CDKL3: variants seen among roughly 807,000 people sequenced by gnomAD.
CDKL3 encodes cyclin-dependent kinase-like 3.
In CDKL3, 65 loss-of-function variants were observed where a neutral mutation model predicts 69.3. That is an observed-to-expected ratio of 0.94 (90% confidence interval 0.77 to 1.15). The LOEUF (loss-of-function observed/expected upper bound fraction) is 1.15. Ranked by LOEUF, CDKL3 falls within the 50% of genes most tolerant of loss-of-function variation. The probability of loss-of-function intolerance (pLI) is 0.00; values close to 1 mark genes in which losing one functional copy is unlikely to be tolerated. For missense variants in CDKL3, 652 were observed against 689.2 expected (o/e 0.95, Z 0.61); for synonymous variants, 202 against 221.6 (o/e 0.91, Z 0.79).
chr5:134,302,152 T>A, intron 12 of CDKL3: 1 of 456,216 alleles, frequency 2.2e-6, no homozygotes, highest in South Asian at 1.5e-5. Flanking sequence ...GATAGTTAGC[T>A]GAGAGCAAAT....
chr5:134,351,414 A>G lies in CDKL3; in HGVS notation c.361-987T>C, dbSNP rs540296443. ...CATCTCAATCTGATCAACTCTTTTT[A>G]AGAAATTATTTTTTAAAGAGATAGG... On this transcript the variant is annotated intron_variant, in intron 3 of 12. Transcript: ENST00000265334. Among the ~76,000 whole-genome samples, 9 of 152,178 alleles carry G rather than the reference A, an allele frequency of 5.9e-5. No individual in the cohort carries two copies. The East Asian group carries it at 1.7e-3, about 29-fold the overall frequency.
At chr5:134,330,587 T>C (rs1775538433) in intron 4 of CDKL3, among the ~76,000 whole-genome samples, 1 of 151,966 alleles carries the variant, frequency 6.6e-6, no homozygotes, top group African/African-American at 2.4e-5. Flanking sequence ...TGGTGGCACA[T>C]ACCTGTAGTC....
intron 4 of CDKL3, among the ~76,000 whole-genome samples, chr5:134,346,600 G>T (rs572481595): frequency 6.6e-6 from 1 of 152,204 alleles, no homozygotes; most frequent in South Asian, 2.1e-4. Context: ...GGGTTCAAGC[G>T]TTTTTCCTGC....
chr5:134,285,967 C>T (rs1045776028), downstream of CDKL3, among the ~76,000 whole-genome samples: 4 of 152,096 alleles, frequency 2.6e-5, no homozygotes, highest in African/African-American at 9.7e-5. Context: ...ACTAAAAATA[C>T]AAAAATTAGG....
chr5:134,322,256 C>T (rs1019285639), intron 4 of CDKL3, among the ~76,000 whole-genome samples: 1 of 152,162 alleles, frequency 6.6e-6, no homozygotes, highest in African/African-American at 2.4e-5. Flanking sequence ...TCGTGATCTG[C>T]CCGCCTCAGC....
chr5:134,288,463 A>G (rs1200651003), intron 8 of CDKL3, among the ~76,000 whole-genome samples: 1 of 152,166 alleles, frequency 6.6e-6, no homozygotes. Flanking sequence ...TTAATGAAAC[A>G]CTTTATGCCT....
chr5:134,298,452 C>T lies in CDKL3; in HGVS notation c.*199G>A. 7 of 1,337,306 alleles carry T rather than the reference C, an allele frequency of 5.2e-6. No individual in the cohort carries two copies. Among genetic ancestry groups the T allele is most frequent in the Non-Finnish European group, 6.7e-6 (7 of 1,049,244 alleles). The allele number at this position is 1,337,306 out of a possible 1,614,324, so 82.8% of individuals were successfully genotyped here. A position where few individuals can be genotyped will look rare whatever the true frequency, so the allele number is the denominator to read the frequency against. On this transcript the variant is annotated 3_prime_UTR_variant, in exon 13 of 13. Coordinates refer to ENST00000265334, the MANE Select transcript of CDKL3 (RefSeq NM_001113575.2). ...GCAGAGAAGAGATGACTTTATAATTCCAAATCAAATTATCACATCAACAGA... is the reference window on the plus strand; with the variant it reads ...GCAGAGAAGAGATGACTTTATAATTTCAAATCAAATTATCACATCAACAGA...
At chr5:134,300,813 A>G (rs1766110329) in intron 12 of CDKL3, among the ~76,000 whole-genome samples, 1 of 152,132 alleles carries the variant, frequency 6.6e-6, no homozygotes, top group Admixed American at 6.6e-5. Context: ...TCACAGGACA[A>G]TGGGATAAAC....
downstream of CDKL3, among the ~76,000 whole-genome samples, chr5:134,285,556 A>G (rs1764826768): frequency 6.6e-6 from 1 of 152,120 alleles, no homozygotes; most frequent in African/African-American, 2.4e-5. Flanking sequence ...CTTTCCTCCT[A>G]GGCCTCTGGG....
Position 134,312,324 on chromosome 5 carries a change from A to G in CDKL3, c.849T>C (p.His283=), listed in dbSNP as rs1229742521. 2 of 1,598,192 alleles carry G rather than the reference A, an allele frequency of 1.3e-6. No homozygotes were observed. Among genetic ancestry groups the G allele is most frequent in the Admixed American group, 3.5e-5 (2 of 57,674 alleles). The change falls in exon 7 of 13, where the codon CAT becomes CAC. Residue 283 remains histidine (H), a synonymous_variant. Coordinates refer to ENST00000265334, the MANE Select transcript of CDKL3 (RefSeq NM_001113575.2). ...DRISSSDLLH[H]EYFTRDGFIE... ...TAAATCCATCTCTAGTAAAATACTC[A>G]TGATGCAAAAGATCACTAGATGATA...
chr5:134,312,960 A>G (rs915112615), intron 6 of CDKL3, among the ~76,000 whole-genome samples: 3 of 152,344 alleles, frequency 2.0e-5, no homozygotes, highest in East Asian at 1.9e-4. Context: ...TAATAAATCT[A>G]TATGTAGTTA....
downstream of CDKL3, among the ~76,000 whole-genome samples, chr5:134,296,653 A>G (rs557077403): frequency 5.3e-5 from 8 of 152,224 alleles, no homozygotes; most frequent in East Asian, 1.5e-3. Context: ...GCTTATCAGG[A>G]AAGAATGTTT....
intron 6 of CDKL3, 34 bp from the exon 7 acceptor site, chr5:134,312,414 C>T (rs769400353): frequency 2.5e-5 from 28 of 1,115,730 alleles, no homozygotes; most frequent in Non-Finnish European, 3.4e-5. Context: ...TAAGTGAGCT[C>T]TCAACAGGGC....
At chr5:134,313,227 A>G (rs533949916) in intron 6 of CDKL3, among the ~76,000 whole-genome samples, 1 of 152,122 alleles carries the variant, frequency 6.6e-6, no homozygotes, top group East Asian at 1.9e-4. Context: ...GCCTTTTAAA[A>G]TTTTTTAGAG....
downstream of CDKL3, among the ~76,000 whole-genome samples, chr5:134,296,823 A>ACACACACACACG (rs1765377737): frequency 6.6e-6 from 1 of 150,996 alleles, no homozygotes; most frequent in African/African-American, 2.4e-5. Context: ...ACACGCACGC[A>ACACACACACACG]CACACACGGA....
intron 2 of CDKL3, among the ~76,000 whole-genome samples, chr5:134,365,410 G>A (rs1757171612): frequency 6.6e-6 from 1 of 151,924 alleles, no homozygotes; most frequent in Non-Finnish European, 1.5e-5. Context: ...GTGAGCCACC[G>A]CACCCGGCCT....
chr5:134,343,688 A>C (rs1751101193), intron 4 of CDKL3, among the ~76,000 whole-genome samples: 1 of 152,170 alleles, frequency 6.6e-6, no homozygotes, highest in South Asian at 2.1e-4. Context: ...AAACTGGCTT[A>C]TCTGATCTCA....
chr5:134,329,545 C>T lies in CDKL3; in HGVS notation c.540-7642G>A, dbSNP rs546822255. On this transcript the variant is annotated intron_variant, in intron 4 of 12. Transcript: ENST00000265334. ...CTGGAATGCAGTGGAGTGCAGCTCA[C>T]TGCAAGCTCCGCTTCCTGGGTTGAC... Among the ~76,000 whole-genome samples, 164 of 151,834 alleles carry T rather than the reference C, an allele frequency of 1.1e-3. 3 individuals carry two copies. Among genetic ancestry groups the T allele is most frequent in the Admixed American group, 0.011 (163 of 15,262 alleles).
At chr5:134,306,537 A>G (rs1767874819) in intron 10 of CDKL3, 72 bp downstream of exon 10, 1 of 903,076 alleles carries the variant, frequency 1.1e-6, no homozygotes, top group African/African-American at 1.7e-5. Flanking sequence ...TTAGAGCCCT[A>G]AAGATAGAGA....
Sources: allele counts gnomAD v4.1 joint callset (sites outside exome capture counted in the v4.1 genomes callset), GRCh38; gene constraint gnomAD v4.1.1; transcripts MANE v1.5; gene names NCBI Gene and HGNC (gene_info 2026-07-23, HGNC 2026-07-21).